The following QKI variants were observed in gnomAD, a reference collection of about 807,000 sequenced individuals.
QKI encodes QKI, KH domain containing RNA binding.
A neutral mutation model predicts 39.0 loss-of-function variants in QKI; 10 were observed. The observed-to-expected ratio is 0.26, with a 90% CI of 0.16 to 0.43. The LOEUF (loss-of-function observed/expected upper bound fraction) is 0.43, where lower values mean the gene tolerates loss of function less well. QKI is among the 20% of genes least tolerant of loss of function. The probability of loss-of-function intolerance (pLI) is 1.00; values close to 1 mark genes in which losing one functional copy is unlikely to be tolerated. For missense variants in QKI, 218 were observed against 428.0 expected, an observed-to-expected ratio of 0.51 and a Z score of 4.33; for synonymous variants, 204 against 155.4, an observed-to-expected ratio of 1.31 and a Z score of -2.33.
At chr6:163,439,301 GA>G (rs1789553720) in intron 1 of QKI, among the ~76,000 whole-genome samples, 1 of 145,864 alleles carries the variant, frequency 6.9e-6, no homozygotes, top group Non-Finnish European at 1.5e-5. Flanking sequence ...ATCAAACTCA[GA>G]ATTTTCGCTC....
chr6:163,453,553 G>A (rs76345616), intron 1 of QKI, among the ~76,000 whole-genome samples: 4,248 of 152,192 alleles, frequency 0.028, 196 homozygotes, highest in African/African-American at 0.096. Flanking sequence ...TTAAATTGTT[G>A]CTTGGTTGTT....
chr6:163,469,342 T>G (rs1289483932), intron 2 of QKI, among the ~76,000 whole-genome samples: 2 of 152,122 alleles, frequency 1.3e-5, no homozygotes, highest in African/African-American at 4.8e-5. Context: ...ATATTAGTGA[T>G]TTGTACTAAA....
intron 1 of QKI, among the ~76,000 whole-genome samples, chr6:163,438,331 C>A (rs1458079718): frequency 6.6e-6 from 1 of 151,804 alleles, no homozygotes; most frequent in Admixed American, 6.6e-5. Flanking sequence ...ACATTGATGA[C>A]CAGTACTATT....
At chr6:163,500,661 A>G (rs1778702122) in intron 3 of QKI, among the ~76,000 whole-genome samples, 1 of 152,208 alleles carries the variant, frequency 6.6e-6, no homozygotes, top group African/African-American at 2.4e-5. Flanking sequence ...GTAGAGGAGC[A>G]TCAAATAATG....
At chr6:163,437,308 A>C (rs1789383983) in intron 1 of QKI, among the ~76,000 whole-genome samples, 1 of 152,252 alleles carries the variant, frequency 6.6e-6, no homozygotes, top group Non-Finnish European at 1.5e-5. Flanking sequence ...GTATGTATAC[A>C]TATAGTACTT....
intron 7 of QKI, chr6:163,567,666 G>C: frequency 1.0e-6 from 1 of 985,106 alleles, no homozygotes; most frequent in Non-Finnish European, 1.2e-6. Flanking sequence ...TCGGTTTATT[G>C]ACATTGAATT....
chr6:163,438,304 A>G (rs1277397294), intron 1 of QKI, among the ~76,000 whole-genome samples: 1 of 152,214 alleles, frequency 6.6e-6, no homozygotes, highest in Non-Finnish European at 1.5e-5. Flanking sequence ...TTTACATCAC[A>G]GTCATCATTT....
chr6:163,477,083 T>G (rs1177955649), intron 2 of QKI, among the ~76,000 whole-genome samples: 4 of 151,162 alleles, frequency 2.6e-5, no homozygotes, highest in Admixed American at 6.6e-5. Context: ...AGGCATGATT[T>G]CAGCTCACGG....
At chr6:163,415,711 C>G (rs1161422982) in intron 1 of QKI, among the ~76,000 whole-genome samples, 1 of 151,818 alleles carries the variant, frequency 6.6e-6, no homozygotes, top group African/African-American at 2.4e-5. Flanking sequence ...AGAGCAGGCC[C>G]ACGCCGCGCC....
chr6:163,437,050 T>C (rs906725640), intron 1 of QKI, among the ~76,000 whole-genome samples: 1 of 152,160 alleles, frequency 6.6e-6, no homozygotes, highest in African/African-American at 2.4e-5. Context: ...ATCGGTGACA[T>C]AGATACTTGG....
chr6:163,433,465 T>C (rs1489111351), intron 1 of QKI, among the ~76,000 whole-genome samples: 1 of 151,830 alleles, frequency 6.6e-6, no homozygotes, highest in African/African-American at 2.4e-5. Context: ...ACCAGAAAAA[T>C]AGTATAAGAA....
At chr6:163,560,997 T>A (rs1782960348) in intron 4 of QKI, among the ~76,000 whole-genome samples, 1 of 152,222 alleles carries the variant, frequency 6.6e-6, no homozygotes, top group African/African-American at 2.4e-5. Context: ...TGCCCATTTT[T>A]GCTTTTAAAA....
At chr6:163,493,896 A>G (rs866421475) in intron 3 of QKI, among the ~76,000 whole-genome samples, 4 of 151,764 alleles carry the variant, frequency 2.6e-5, no homozygotes, top group African/African-American at 9.7e-5. Context: ...AACAAGGTTA[A>G]AGCTTATCTG....
chr6:163,524,545 C>G (rs1352248334), intron 3 of QKI, among the ~76,000 whole-genome samples: 1 of 151,682 alleles, frequency 6.6e-6, no homozygotes, highest in Non-Finnish European at 1.5e-5. Context: ...CTTGGCTCAC[C>G]GCAACCTCCA....
At chr6:163,521,187 T>G (rs1450074968) in intron 3 of QKI, among the ~76,000 whole-genome samples, 3 of 152,144 alleles carry the variant, frequency 2.0e-5, no homozygotes, top group Non-Finnish European at 4.4e-5. Flanking sequence ...TATCAGCCCA[T>G]GAGTATAGAG....
intron 3 of QKI, among the ~76,000 whole-genome samples, chr6:163,520,645 A>G (rs749834515): frequency 2.6e-5 from 4 of 152,222 alleles, no homozygotes; most frequent in Admixed American, 2.0e-4. Context: ...ACCTATGTCC[A>G]AATCATGCTG....
At chr6:163,444,777 A>G (rs1582999368) in intron 1 of QKI, among the ~76,000 whole-genome samples, 1 of 152,188 alleles carries the variant, frequency 6.6e-6, no homozygotes, top group African/African-American at 2.4e-5. Context: ...ACTGTAGAAG[A>G]TACCATTTTG....
At chr6:163,568,147 C>T (rs1248398442) in intron 7 of QKI, 3 of 985,136 alleles carry the variant, frequency 3.0e-6, no homozygotes, top group East Asian at 2.3e-4. Context: ...TTTGGAAAGT[C>T]ACTTGAGTTT....
chr6:163,518,734 T>C (rs1372010688), intron 3 of QKI, among the ~76,000 whole-genome samples: 3 of 152,212 alleles, frequency 2.0e-5, no homozygotes, highest in East Asian at 3.8e-4. Flanking sequence ...TTGTAGTTTA[T>C]GAACTGCAGA....
Sources: gnomAD v4.1 joint callset for allele counts (sites outside exome capture counted in the v4.1 genomes callset) on GRCh38, gnomAD v4.1.1 for gene constraint, MANE v1.5 for transcripts, NCBI Gene and HGNC (gene_info 2026-07-23, HGNC 2026-07-21) for gene names.